The following CTNNA3 variants were observed in gnomAD, a reference collection of about 807,000 sequenced individuals.
The protein encoded by CTNNA3 is catenin alpha 3.
A neutral mutation model predicts 95.7 loss-of-function variants in CTNNA3; 76 were observed. That is an observed-to-expected ratio of 0.79 (90% CI 0.66 to 0.96). The LOEUF is 0.96. Ranked by LOEUF, CTNNA3 falls within the 40% of genes least tolerant of loss-of-function variation. The pLI is 0.00. For missense variants in CTNNA3, 1,191 were observed against 1,089.8 expected, an observed-to-expected ratio of 1.09 and a Z score of -1.31; for synonymous variants, 431 against 374.4, an observed-to-expected ratio of 1.15 and a Z score of -1.74.
chr10:67,644,660 G>A (rs1293769468), intron 2 of CTNNA3, among the ~76,000 whole-genome samples: 1 of 151,562 alleles, frequency 6.6e-6, no homozygotes, highest in Non-Finnish European at 1.5e-5. Context: ...TTGATAAGGA[G>A]AATCCCATTA....
intron 7 of CTNNA3, among the ~76,000 whole-genome samples, chr10:67,038,279 G>A (rs1854189275): frequency 6.6e-6 from 1 of 152,046 alleles, no homozygotes; most frequent in Non-Finnish European, 1.5e-5. Flanking sequence ...AAAATGCATT[G>A]TAAAATTATT....
chr10:66,563,220 T>A lies in CTNNA3; in HGVS notation c.1375-42447A>T, dbSNP rs371420976. Among the ~76,000 whole-genome samples, 54 of 152,246 alleles carry A rather than the reference T, an allele frequency of 3.5e-4. 2 individuals are homozygous for A. In the South Asian group the frequency reaches 0.011, roughly 31 times the overall value. ...AATCTCTATCATTAGTAAATATCAG[T>A]CATACATACATTAGTCACCACAGCT... On this transcript the variant is annotated intron_variant, in intron 10 of 17. Coordinates refer to ENST00000433211, the MANE Select transcript of CTNNA3 (RefSeq NM_013266.4).
At chr10:67,240,675 T>C (rs1412833183) in intron 5 of CTNNA3, among the ~76,000 whole-genome samples, 2 of 152,166 alleles carry the variant, frequency 1.3e-5, no homozygotes, top group Non-Finnish European at 2.9e-5. Context: ...ATCATAATAG[T>C]ATTAAGATAT....
At chr10:66,920,756 G>A (rs1220261514) in intron 7 of CTNNA3, among the ~76,000 whole-genome samples, 1 of 152,202 alleles carries the variant, frequency 6.6e-6, no homozygotes, top group Non-Finnish European at 1.5e-5. Flanking sequence ...CACGAAAACA[G>A]TTATGGCTTC....
chr10:67,433,851 C>T (rs1846210866), intron 5 of CTNNA3, among the ~76,000 whole-genome samples: 1 of 151,948 alleles, frequency 6.6e-6, no homozygotes, highest in African/African-American at 2.4e-5. Flanking sequence ...AGCCATACCA[C>T]CTCTCTAAAA....
At chr10:66,991,613 G>A (rs1031170129) in intron 7 of CTNNA3, among the ~76,000 whole-genome samples, 13 of 152,054 alleles carry the variant, frequency 8.5e-5, no homozygotes, top group South Asian at 2.1e-4. Flanking sequence ...GTGCAATGGC[G>A]TGATCTTGGC....
chr10:66,128,602 A>C (rs1039958510), intron 13 of CTNNA3, among the ~76,000 whole-genome samples: 1 of 152,226 alleles, frequency 6.6e-6, no homozygotes, highest in Non-Finnish European at 1.5e-5. Flanking sequence ...GAAGAGGCAA[A>C]TTATGGAGAC....
intron 5 of CTNNA3, among the ~76,000 whole-genome samples, chr10:67,298,102 C>T (rs757193049): frequency 7.2e-5 from 11 of 152,126 alleles, no homozygotes; most frequent in Admixed American, 1.3e-4. Context: ...TGAATCATAT[C>T]GGAAGTTAAG....
intron 10 of CTNNA3, among the ~76,000 whole-genome samples, chr10:66,539,382 A>C (rs1207068384): frequency 6.6e-6 from 1 of 152,120 alleles, no homozygotes; most frequent in African/African-American, 2.4e-5. Flanking sequence ...AGAGTAAAGG[A>C]AGAAGAAATT....
At chr10:67,748,915 CTT>C (rs1197831435) in intron 1 of CTNNA3, among the ~76,000 whole-genome samples, 1 of 152,080 alleles carries the variant, frequency 6.6e-6, no homozygotes, top group African/African-American at 2.4e-5. Flanking sequence ...TTGCACATGT[CTT>C]TGCACATAAT....
At chr10:66,300,891 T>G (rs546727879) in intron 12 of CTNNA3, among the ~76,000 whole-genome samples, 2 of 151,670 alleles carry the variant, frequency 1.3e-5, no homozygotes, top group Admixed American at 6.6e-5. Context: ...AATCAAAAGC[T>G]AGTTATCTGA....
intron 13 of CTNNA3, among the ~76,000 whole-genome samples, chr10:66,121,852 A>G (rs2133818850): frequency 6.6e-6 from 1 of 152,296 alleles, no homozygotes; most frequent in East Asian, 1.9e-4. Context: ...TCAAAAAAAA[A>G]GTTGCTGAGG....
rs187301302 is a variant in CTNNA3 at position 66,721,310 on chromosome 10, G to A, written c.1281+44954C>T. On this transcript the variant is annotated intron_variant, in intron 9 of 17. Transcript: ENST00000433211. ...GCTTTTCAAGCTGTGCACCCCAGAA[G>A]GTGTGCAAGATGAGCCATGACAACA... Among the ~76,000 whole-genome samples the A allele has an allele frequency of 9.2e-3, 1,397 of 152,202 alleles. 14 individuals are homozygous for A. The highest frequency in any genetic ancestry group is 0.013 in the Non-Finnish European group (890 of 68,006).
chr10:66,418,259 T>A (rs1454791861), intron 11 of CTNNA3, among the ~76,000 whole-genome samples: 2 of 151,458 alleles, frequency 1.3e-5, no homozygotes, highest in Admixed American at 6.6e-5. Flanking sequence ...ACTAACAAAC[T>A]AGAGAATCTA....
intron 12 of CTNNA3, among the ~76,000 whole-genome samples, chr10:66,378,635 A>G (rs928840784): frequency 5.9e-5 from 9 of 152,202 alleles, no homozygotes; most frequent in African/African-American, 2.2e-4. Context: ...GCTGCAATCA[A>G]CACAAAAGAG....
chr10:66,855,100 T>C (rs901994601), intron 7 of CTNNA3, among the ~76,000 whole-genome samples: 2 of 151,958 alleles, frequency 1.3e-5, no homozygotes, highest in East Asian at 1.9e-4. Flanking sequence ...AAGTTTTAGA[T>C]AGTGCTGTAA....
intron 1 of CTNNA3, among the ~76,000 whole-genome samples, chr10:67,664,452 A>G (rs1840278905): frequency 6.6e-6 from 1 of 152,232 alleles, no homozygotes; most frequent in Non-Finnish European, 1.5e-5. Context: ...ACTGCCACCA[A>G]GGTAAGAGAA....
intron 6 of CTNNA3, among the ~76,000 whole-genome samples, chr10:67,207,239 AAAT>A (rs1863943695): frequency 6.6e-6 from 1 of 152,186 alleles, no homozygotes; most frequent in African/African-American, 2.4e-5. Context: ...TATTAACATG[AAAT>A]AATAAGATCT....
chr10:67,232,620 A>G (rs1054673080), intron 5 of CTNNA3, among the ~76,000 whole-genome samples: 61 of 152,142 alleles, frequency 4.0e-4, no homozygotes, highest in African/African-American at 1.4e-3. Context: ...CAAAATAACC[A>G]GCTAACATCA....
Sources: allele counts gnomAD v4.1 joint callset (sites outside exome capture counted in the v4.1 genomes callset), GRCh38; gene constraint gnomAD v4.1.1; transcripts MANE v1.5; gene names NCBI Gene and HGNC (gene_info 2026-07-23, HGNC 2026-07-21).